Variants in USP6NL observed in about 807,000 individuals in gnomAD.
USP6NL encodes the protein USP6 N-terminal-like protein.
In USP6NL, 26 loss-of-function variants were observed where a neutral mutation model predicts 61.9. The observed-to-expected ratio is 0.42, with a 90% CI of 0.31 to 0.58. The LOEUF is 0.58. USP6NL is among the 20% of genes least tolerant of loss of function. The probability of loss-of-function intolerance (pLI) is 0.16; values close to 1 mark genes in which losing one functional copy is unlikely to be tolerated. For missense variants in USP6NL, 1,114 were observed against 1,034.3 expected, an observed-to-expected ratio of 1.08 and a Z score of -1.06; for synonymous variants, 432 against 390.1, an observed-to-expected ratio of 1.11 and a Z score of -1.27.
intron 5 of USP6NL, among the ~76,000 whole-genome samples, chr10:11,515,297 T>A (rs1489119897): frequency 6.6e-6 from 1 of 152,256 alleles, no homozygotes; most frequent in Admixed American, 6.5e-5. Context: ...ACACAATGCA[T>A]GGATGGATAT....
At position 11,520,789 on chromosome 10, in the gene USP6NL, C is replaced by G. The variant is rs1176675647; in HGVS notation, c.156-2215G>C. On this transcript the variant is annotated intron_variant, in intron 4 of 14. Transcript: ENST00000609104. This position sits in a 1 kb window ranked among gnomAD's most constrained non-coding sequence, Gnocchi z 5.2. Reference sequence around the variant, plus strand: ...GTCTCTGGTTGTTTTCATGCTGCAACAGCAGGGTTAAGCAGTTGTGACAAA... The same window carrying G: ...GTCTCTGGTTGTTTTCATGCTGCAAGAGCAGGGTTAAGCAGTTGTGACAAA... Among the ~76,000 whole-genome samples the G allele has an allele frequency of 1.3e-5, 2 of 152,228 alleles. No homozygotes were observed. The highest frequency in any genetic ancestry group is 2.9e-5 in the Non-Finnish European group (2 of 68,034).
intron 14 of USP6NL, among the ~76,000 whole-genome samples, chr10:11,469,096 T>G (rs944177452): frequency 6.6e-6 from 1 of 152,192 alleles, no homozygotes; most frequent in African/African-American, 2.4e-5. Context: ...AGGAAAAGTT[T>G]AACACGTTCC....
intron 2 of USP6NL, among the ~76,000 whole-genome samples, chr10:11,581,191 A>T (rs1837756478): frequency 6.6e-6 from 1 of 152,196 alleles, no homozygotes; most frequent in Non-Finnish European, 1.5e-5. Flanking sequence ...CCAAAAGAAA[A>T]TAAAAATCTG....
chr10:11,541,230 C>CATATATATATATAT lies in USP6NL; in HGVS notation c.5-13677_5-13664dup, dbSNP rs71378797. The stretch of plus-strand genomic sequence containing the variant: ...TTTATATAACAAACATCAATAGTGC[C>CATATATATATATAT]ATATATATATATATATATATATATA... On this transcript the variant is annotated intron_variant, in intron 2 of 14. Coordinates refer to ENST00000609104, the MANE Select transcript of USP6NL (RefSeq NM_014688.5). 8.1e-4 allele frequency among the ~76,000 whole-genome samples: 35 copies of CATATATATATATAT among 43,202 alleles called. 2 individuals are homozygous for CATATATATATATAT. The highest frequency in any genetic ancestry group is 1.2e-3 in the Non-Finnish European group (27 of 22,276). The allele number at this position is 43,202 out of a possible 152,430, so 28.3% of individuals were successfully genotyped here.
At chr10:11,473,850 T>C (rs1832859211) in intron 14 of USP6NL, among the ~76,000 whole-genome samples, 1 of 152,114 alleles carries the variant, frequency 6.6e-6, no homozygotes, top group Non-Finnish European at 1.5e-5. Flanking sequence ...GAACAGAGGA[T>C]TCCATCAGGT....
At position 11,463,867 on chromosome 10, in the gene USP6NL, G is replaced by A. The variant is rs1832312081; in HGVS notation, c.1079-18C>T. On this transcript the variant is annotated intron_variant, in intron 14 of 14. Transcript: ENST00000609104. This position sits in a 1 kb window ranked among gnomAD's most constrained non-coding sequence, Gnocchi z 6.3. Reference sequence around the variant, plus strand: ...CTCTTTACCTGAAAAGAAAGAGAAAGGCTAAGTAAGATAATACACGAGTAA... The same window carrying A: ...CTCTTTACCTGAAAAGAAAGAGAAAAGCTAAGTAAGATAATACACGAGTAA... 1 of 1,456,066 alleles carries A rather than the reference G, an allele frequency of 6.9e-7. No individual in the cohort carries two copies. Among genetic ancestry groups the A allele is most frequent in the African/African-American group, 1.4e-5 (1 of 69,714 alleles). The allele number at this position is 1,456,066 out of a possible 1,614,324, so 90.2% of individuals were successfully genotyped here. A position where few individuals can be genotyped will look rare whatever the true frequency, so the allele number is the denominator to read the frequency against.
At chr10:11,608,608 C>T (rs1838781907) in intron 1 of USP6NL, among the ~76,000 whole-genome samples, 2 of 152,162 alleles carry the variant, frequency 1.3e-5, no homozygotes, top group Non-Finnish European at 2.9e-5. Context: ...GCCCTGACTC[C>T]CTCAAAACCA....
At chr10:11,521,676 G>T (rs73569133) in intron 4 of USP6NL, among the ~76,000 whole-genome samples, 16,775 of 152,092 alleles carry the variant, frequency 0.11, 1,442 homozygotes, top group East Asian at 0.43. Flanking sequence ...CACCGCGCCC[G>T]GCCAATGATA....
intron 14 of USP6NL, among the ~76,000 whole-genome samples, chr10:11,473,384 C>T (rs1001762109): frequency 1.1e-4 from 16 of 152,080 alleles, no homozygotes; most frequent in Admixed American, 4.6e-4. Flanking sequence ...GTGTAGTGGA[C>T]GGGTCAGGCA....
chr10:11,610,609 C>CGG (rs1482401114), intron 1 of USP6NL, among the ~76,000 whole-genome samples: 1 of 151,578 alleles, frequency 6.6e-6, no homozygotes, highest in Non-Finnish European at 1.5e-5. Flanking sequence ...ATACTTAAGA[C>CGG]GGCGTCCTCA....
intron 2 of USP6NL, among the ~76,000 whole-genome samples, chr10:11,577,839 T>C (rs1837608715): frequency 6.6e-6 from 1 of 152,230 alleles, no homozygotes; most frequent in Admixed American, 6.5e-5. Flanking sequence ...CCTGGCCTTG[T>C]ACCTTAGTAC....
rs1411417444 is a variant in USP6NL at position 11,540,437 on chromosome 10, G to A, written c.5-12870C>T. ...GTATTACTAAAGCAACTGCCTTCAT[G>A]ATTAATTCCCATGACTACAGAAAGG... On this transcript the variant is annotated intron_variant, in intron 2 of 14. Coordinates refer to ENST00000609104, the MANE Select transcript of USP6NL (RefSeq NM_014688.5). The surrounding 1 kb of genome is among the most constrained non-coding windows in gnomAD (Gnocchi z 5.0). 6.6e-6 allele frequency among the ~76,000 whole-genome samples: 1 copy of A among 152,126 alleles called. No homozygotes were observed. The highest frequency in any genetic ancestry group is 1.9e-4 in the East Asian group (1 of 5,192).
At chr10:11,541,879 G>A (rs527868922) in intron 2 of USP6NL, among the ~76,000 whole-genome samples, 169 of 152,210 alleles carry the variant, frequency 1.1e-3, no homozygotes, top group Non-Finnish European at 2.0e-3. Flanking sequence ...CTATAAGTTA[G>A]AAAAAAATTT....
Position 11,478,741 on chromosome 10 carries a change from C to CA in USP6NL, c.1078+3028dup, listed in dbSNP as rs1344041680. Among the ~76,000 whole-genome samples the CA allele has an allele frequency of 6.6e-6, 1 of 152,008 alleles. No homozygotes were observed. Among genetic ancestry groups the CA allele is most frequent in the South Asian group, 2.1e-4 (1 of 4,796 alleles). On this transcript the variant is annotated intron_variant, in intron 14 of 14. Transcript: ENST00000609104. This position sits in a 1 kb window ranked among gnomAD's most constrained non-coding sequence, Gnocchi z 6.8. Reference sequence around the variant, plus strand: ...GCAACATGGCAGAACCCTGCCTCTACAAAAAATACTAAAATTACCCAGGAG... The same window carrying CA: ...GCAACATGGCAGAACCCTGCCTCTACAAAAAAATACTAAAATTACCCAGGAG...
At position 11,548,267 on chromosome 10, in the gene USP6NL, AC is replaced by A. The variant is rs1474373973; in HGVS notation, c.5-20701del. 1.3e-5 allele frequency among the ~76,000 whole-genome samples: 2 copies of A among 152,238 alleles called. No homozygotes were observed. The highest frequency in any genetic ancestry group is 4.8e-5 in the African/African-American group (2 of 41,460). ...TTTGAAATTTGATGCCCCAAATTCA[AC>A]ATGATACCCCGGAAAAGGTTTGGTG... On this transcript the variant is annotated intron_variant, in intron 2 of 14. Coordinates refer to ENST00000609104, the MANE Select transcript of USP6NL (RefSeq NM_014688.5). The surrounding 1 kb of genome is among the most constrained non-coding windows in gnomAD (Gnocchi z 4.3).
intron 2 of USP6NL, among the ~76,000 whole-genome samples, chr10:11,581,662 G>A (rs574403199): frequency 6.6e-6 from 1 of 152,324 alleles, no homozygotes; most frequent in Admixed American, 6.5e-5. Context: ...GAGACTGTAG[G>A]ATATTAAACT....
intron 1 of USP6NL, among the ~76,000 whole-genome samples, chr10:11,608,726 G>T (rs778282532): frequency 1.3e-5 from 2 of 152,174 alleles, no homozygotes; most frequent in Non-Finnish European, 1.5e-5. Context: ...GGGGTACACA[G>T]AAGGCACTCA....
At position 11,553,935 on chromosome 10, in the gene USP6NL, T is replaced by C. The variant is rs769214425; in HGVS notation, c.5-26368A>G. ...ATTAAAACAAGACAAGATGTTTATG[T>C]CTCTCCTGATGTCTAAGAAATCTAG... On this transcript the variant is annotated intron_variant, in intron 2 of 14. Transcript: ENST00000609104. The surrounding 1 kb of genome is among the most constrained non-coding windows in gnomAD (Gnocchi z 4.8). Among the ~76,000 whole-genome samples, 8 of 151,458 alleles carry C rather than the reference T, an allele frequency of 5.3e-5. No individual in the cohort carries two copies. The highest frequency in any genetic ancestry group is 1.0e-4 in the Non-Finnish European group (7 of 67,912).
chr10:11,494,293 A>T (rs539530328), intron 7 of USP6NL, among the ~76,000 whole-genome samples: 2 of 152,282 alleles, frequency 1.3e-5, no homozygotes, highest in African/African-American at 4.8e-5. Flanking sequence ...TTCACATTTC[A>T]GTACTGGGTT....
Sources: allele counts gnomAD v4.1 joint callset (sites outside exome capture counted in the v4.1 genomes callset), GRCh38; gene constraint gnomAD v4.1.1; non-coding constraint Gnocchi (gnomAD v3.1); transcripts MANE v1.5; gene names NCBI Gene and HGNC (gene_info 2026-07-23, HGNC 2026-07-21).